The following LIPC variants were observed in gnomAD, a reference collection of about 807,000 sequenced individuals.
LIPC encodes lipase C, hepatic type, also known as hepatic triacylglycerol lipase.
A neutral mutation model predicts 50.7 loss-of-function variants in LIPC; 44 were observed. The ratio of observed to expected loss-of-function variants is 0.87; its 90% CI spans 0.68 to 1.11. The LOEUF is 1.11. Ranked by LOEUF, LIPC falls within the 50% of genes most tolerant of loss-of-function variation. LIPC has a pLI of 0.00. For synonymous variants in LIPC, 271 were observed against 256.4 expected (o/e 1.06, Z -0.54); for missense variants, 697 against 648.2 (o/e 1.08, Z -0.82).
intron 1 of LIPC, among the ~76,000 whole-genome samples, chr15:58,531,396 A>G (rs1892955978): frequency 6.6e-6 from 1 of 152,200 alleles, no homozygotes; most frequent in African/African-American, 2.4e-5. Context: ...TTCCAGTACA[A>G]ACGGAAAGCT....
chr15:58,478,226 C>T (rs1891063648), intron 1 of LIPC, among the ~76,000 whole-genome samples: 1 of 152,160 alleles, frequency 6.6e-6, no homozygotes, highest in Non-Finnish European at 1.5e-5. Context: ...AACTCACTCT[C>T]ACATTTCTTT....
Position 58,548,668 on chromosome 15 carries a change from C to T in LIPC, c.1051+96C>T, listed in dbSNP as rs1399531752. On this transcript the variant is annotated intron_variant, in intron 6 of 8. Coordinates refer to ENST00000299022, the MANE Select transcript of LIPC (RefSeq NM_000236.3). ...CTTGGCTTCTTTCCTGGAGGTGCTT[C>T]AGCTCTGCTGTTGCGGTGTTTCTGA... 3.4e-6 allele frequency: 5 copies of T among 1,478,384 alleles called. No homozygotes were observed. In the East Asian group the frequency reaches 7.3e-5, roughly 22 times the overall value. The allele number at this position is 1,478,384 out of a possible 1,614,324, so 91.6% of individuals were successfully genotyped here. A position where few individuals can be genotyped will look rare whatever the true frequency, so the allele number is the denominator to read the frequency against.
intron 1 of LIPC, among the ~76,000 whole-genome samples, chr15:58,448,217 G>T (rs73420582): frequency 0.035 from 5,359 of 152,248 alleles, 334 homozygotes; most frequent in African/African-American, 0.12. Context: ...CTCTCACGTG[G>T]ACTAGGGTTG....
chr15:58,547,407 C>T (rs1321362473), intron 5 of LIPC, among the ~76,000 whole-genome samples: 5 of 152,154 alleles, frequency 3.3e-5, no homozygotes, highest in South Asian at 2.1e-4. Context: ...GCGGAGGGCA[C>T]GCAGCATACA....
At chr15:58,544,170 A>T (rs1893439760) in intron 4 of LIPC, among the ~76,000 whole-genome samples, 1 of 152,046 alleles carries the variant, frequency 6.6e-6, no homozygotes, top group Admixed American at 6.6e-5. Context: ...CCTCCCACTG[A>T]AGAAGCAGGG....
At chr15:58,480,302 T>A (rs956012057) in intron 1 of LIPC, among the ~76,000 whole-genome samples, 1 of 152,210 alleles carries the variant, frequency 6.6e-6, no homozygotes, top group Non-Finnish European at 1.5e-5. Flanking sequence ...TTTATGTATT[T>A]ATTTATTTTC....
intron 6 of LIPC, among the ~76,000 whole-genome samples, chr15:58,552,282 A>G (rs189232834): frequency 3.4e-4 from 50 of 147,248 alleles, no homozygotes; most frequent in African/African-American, 1.2e-3. Context: ...AGGGAGAGAC[A>G]CACGCACACA....
rs567896767 is a variant in LIPC, at chr15:58,499,826, G to A, written c.89-38507G>A. Among the ~76,000 whole-genome samples, 6 of 152,306 alleles carry A rather than the reference G, an allele frequency of 3.9e-5. No homozygotes were observed. In the South Asian group the frequency reaches 1.2e-3, roughly 32 times the overall value. On this transcript the variant is annotated intron_variant, in intron 1 of 8. Coordinates refer to ENST00000299022, the MANE Select transcript of LIPC (RefSeq NM_000236.3). ...ATAACAGAAGTGGTCTAGGAAAACT[G>A]TGTCCTGGGGAGGAGGTAAAGTGAT...
chr15:58,466,637 G>A (rs1009767944), intron 1 of LIPC, among the ~76,000 whole-genome samples: 7 of 152,206 alleles, frequency 4.6e-5, no homozygotes, highest in Admixed American at 1.3e-4. Context: ...TGGGTCAGAG[G>A]CAACCACTTT....
At chr15:58,441,028 C>G (rs1262783184) in intron 1 of LIPC, among the ~76,000 whole-genome samples, 3 of 152,150 alleles carry the variant, frequency 2.0e-5, no homozygotes, top group Non-Finnish European at 2.9e-5. Flanking sequence ...TAAAAGGCTG[C>G]CTTTCCCAGA....
intron 4 of LIPC, among the ~76,000 whole-genome samples, chr15:58,545,539 C>A (rs1595939045): frequency 2.0e-5 from 3 of 152,350 alleles, no homozygotes; most frequent in African/African-American, 7.2e-5. Context: ...TAATGCCCAG[C>A]CTGTGTGTCA....
chr15:58,462,129 C>G (rs529166379), intron 1 of LIPC, among the ~76,000 whole-genome samples: 3 of 152,344 alleles, frequency 2.0e-5, no homozygotes, highest in East Asian at 3.9e-4. Context: ...CTGTTTCTTG[C>G]ATGCATTGCA....
At chr15:58,439,889 A>T (rs1304416061) in intron 1 of LIPC, among the ~76,000 whole-genome samples, 3 of 152,134 alleles carry the variant, frequency 2.0e-5, no homozygotes, top group African/African-American at 7.2e-5. Flanking sequence ...GAGAAAAAAC[A>T]AAAGAACCAA....
intron 1 of LIPC, among the ~76,000 whole-genome samples, chr15:58,478,285 C>T (rs1209166800): frequency 6.6e-6 from 1 of 152,196 alleles, no homozygotes; most frequent in Non-Finnish European, 1.5e-5. Flanking sequence ...ATCACCCAGG[C>T]TGGAATGCAG....
At chr15:58,518,141 G>A (rs1331347487) in intron 1 of LIPC, among the ~76,000 whole-genome samples, 4 of 152,228 alleles carry the variant, frequency 2.6e-5, no homozygotes, top group Non-Finnish European at 1.5e-5. Flanking sequence ...ATTGAAGGGT[G>A]TTGAGCAGTA....
intron 1 of LIPC, among the ~76,000 whole-genome samples, chr15:58,440,113 A>C (rs1490749657): frequency 6.6e-6 from 1 of 152,260 alleles, no homozygotes; most frequent in East Asian, 1.9e-4. Flanking sequence ...ATTTGTCCAA[A>C]ATAAAATATC....
intron 7 of LIPC, among the ~76,000 whole-genome samples, chr15:58,562,852 C>T (rs563211587): frequency 1.3e-5 from 2 of 148,292 alleles, no homozygotes; most frequent in Non-Finnish European, 1.5e-5. Flanking sequence ...AAATCCACTG[C>T]TGCCTCTGCA....
At chr15:58,449,160 C>T (rs1893812357) in intron 1 of LIPC, among the ~76,000 whole-genome samples, 1 of 152,216 alleles carries the variant, frequency 6.6e-6, no homozygotes, top group Non-Finnish European at 1.5e-5. Context: ...GATGGCTACT[C>T]AGACGCCAGT....
At chr15:58,551,157 T>C (rs1252776071) in intron 6 of LIPC, among the ~76,000 whole-genome samples, 2 of 151,748 alleles carry the variant, frequency 1.3e-5, no homozygotes, top group Non-Finnish European at 2.9e-5. Context: ...CCTTTTCTGC[T>C]CCCCCACAAA....
Sources: gnomAD v4.1 joint callset for allele counts (sites outside exome capture counted in the v4.1 genomes callset) on GRCh38, gnomAD v4.1.1 for gene constraint, MANE v1.5 for transcripts, NCBI Gene and HGNC (gene_info 2026-07-23, HGNC 2026-07-21) for gene names.